CLSTN2: variants seen among roughly 807,000 people sequenced by gnomAD.
CLSTN2 encodes the protein calsyntenin 2.
Under a neutral mutation model 101.2 loss-of-function variants are expected in CLSTN2, and 48 were observed. The ratio of observed to expected loss-of-function variants is 0.47; its 90% CI spans 0.38 to 0.60. The LOEUF is 0.60. Among genes scored for constraint, CLSTN2 ranks in the 20% least tolerant of loss-of-function variants. The probability of loss-of-function intolerance (pLI) is 0.00; values close to 1 mark genes in which losing one functional copy is unlikely to be tolerated. For synonymous variants in CLSTN2, 481 were observed against 463.6 expected (o/e 1.04, Z -0.48); for missense variants, 1,160 against 1,238.2 (o/e 0.94, Z 0.95).
chr3:140,218,495 C>T (rs778009211), intron 2 of CLSTN2, among the ~76,000 whole-genome samples: 1 of 152,168 alleles, frequency 6.6e-6, no homozygotes. Context: ...TTAGAAGCAG[C>T]ACCCAGTCAA....
At chr3:140,483,512 C>T (rs145844704) in intron 8 of CLSTN2, among the ~76,000 whole-genome samples, 8,615 of 152,146 alleles carry the variant, frequency 0.057, 795 homozygotes, top group African/African-American at 0.2. Context: ...AACTTTCTGT[C>T]GCATTGATCT....
chr3:140,553,917 G>C (rs6439932), intron 10 of CLSTN2, among the ~76,000 whole-genome samples: 5,714 of 152,148 alleles, frequency 0.038, 360 homozygotes, highest in African/African-American at 0.13. Context: ...AAAGACAAGT[G>C]AAAGAAAAAA....
chr3:140,345,303 C>T (rs1306141067), intron 2 of CLSTN2, among the ~76,000 whole-genome samples: 3 of 147,928 alleles, frequency 2.0e-5, no homozygotes, highest in African/African-American at 7.5e-5. Flanking sequence ...GGCTGCAGTG[C>T]AATGGCGTGA....
chr3:140,009,166 T>A (rs1351722053), intron 1 of CLSTN2, among the ~76,000 whole-genome samples: 1 of 152,240 alleles, frequency 6.6e-6, no homozygotes, highest in Non-Finnish European at 1.5e-5. Flanking sequence ...TCCTTAATGT[T>A]CATAGGAGGA....
intron 1 of CLSTN2, among the ~76,000 whole-genome samples, chr3:140,135,117 C>CACATATATAT (rs1488268767): frequency 2.8e-4 from 16 of 58,104 alleles, no homozygotes; most frequent in African/African-American, 1.2e-3. Context: ...CACACACACA[C>CACATATATAT]ATATATATAT....
chr3:140,274,141 G>A (rs965448954), intron 2 of CLSTN2, among the ~76,000 whole-genome samples: 23 of 152,306 alleles, frequency 1.5e-4, no homozygotes, highest in African/African-American at 5.5e-4. Flanking sequence ...CACAGGGCTT[G>A]GTGCCTTTTG....
At chr3:140,157,255 A>C (rs2009970222) in intron 1 of CLSTN2, among the ~76,000 whole-genome samples, 1 of 151,990 alleles carries the variant, frequency 6.6e-6, no homozygotes, top group Admixed American at 6.5e-5. Context: ...TCTCCAAAGA[A>C]TTGGTTAGGG....
rs546590143 is a variant in CLSTN2, at chr3:139,935,927, A to T, written c.109+444A>T. 1.4e-4 allele frequency among the ~76,000 whole-genome samples: 21 copies of T among 151,980 alleles called. No homozygotes were observed. Among genetic ancestry groups the T allele is most frequent in the African/African-American group, 5.1e-4 (21 of 41,476 alleles). On this transcript the variant is annotated intron_variant, in intron 1 of 16. Coordinates refer to ENST00000458420, the MANE Select transcript of CLSTN2 (RefSeq NM_022131.3). This position sits in a 1 kb window ranked among gnomAD's most constrained non-coding sequence, Gnocchi z 5.5. ...CTGTGACTTGTCTCCCAGCTCGGGG[A>T]TGGAGTGGAAACTTGTAGGCTCCAG...
intron 1 of CLSTN2, among the ~76,000 whole-genome samples, chr3:139,974,433 G>A (rs1935774873): frequency 6.6e-6 from 1 of 152,170 alleles, no homozygotes; most frequent in Admixed American, 6.5e-5. Flanking sequence ...CTCCAGGGGA[G>A]TGATATACCA....
chr3:140,110,363 C>A (rs973651985), intron 1 of CLSTN2, among the ~76,000 whole-genome samples: 2 of 152,212 alleles, frequency 1.3e-5, no homozygotes, highest in Admixed American at 6.5e-5. Context: ...ACCTCAGAGC[C>A]TATTTTCACA....
intron 2 of CLSTN2, among the ~76,000 whole-genome samples, chr3:140,188,773 T>C (rs1017744917): frequency 1.3e-5 from 2 of 152,166 alleles, no homozygotes; most frequent in African/African-American, 4.8e-5. Flanking sequence ...TACAGAGAGA[T>C]TATGTGTATA....
intron 1 of CLSTN2, among the ~76,000 whole-genome samples, chr3:140,123,994 T>C (rs1329726968): frequency 6.6e-6 from 1 of 151,864 alleles, no homozygotes; most frequent in African/African-American, 2.4e-5. Context: ...GGCTTCAACA[T>C]AGAAATTTGG....
intron 2 of CLSTN2, among the ~76,000 whole-genome samples, chr3:140,205,260 A>C (rs1482647750): frequency 6.6e-6 from 1 of 152,204 alleles, no homozygotes. Context: ...CGTGTGGTTC[A>C]ACTGAATTCA....
At chr3:140,141,735 G>A (rs1449802057) in intron 1 of CLSTN2, among the ~76,000 whole-genome samples, 2 of 152,152 alleles carry the variant, frequency 1.3e-5, no homozygotes, top group Non-Finnish European at 2.9e-5. Flanking sequence ...GCACATGCAC[G>A]CCACATAGCA....
intron 8 of CLSTN2, among the ~76,000 whole-genome samples, chr3:140,490,529 G>A (rs560701828): frequency 7.8e-4 from 118 of 150,428 alleles, no homozygotes; most frequent in Non-Finnish European, 1.4e-3. Flanking sequence ...GTGACACATC[G>A]GGCTGCAGTG....
intron 1 of CLSTN2, among the ~76,000 whole-genome samples, chr3:140,158,059 A>G (rs2009984284): frequency 6.6e-6 from 1 of 152,148 alleles, no homozygotes; most frequent in Non-Finnish European, 1.5e-5. Context: ...AACACCTCAA[A>G]ACAATAAGGG....
intron 2 of CLSTN2, among the ~76,000 whole-genome samples, chr3:140,261,079 T>G (rs573176657): frequency 6.6e-6 from 1 of 152,198 alleles, no homozygotes; most frequent in East Asian, 1.9e-4. Flanking sequence ...CTCCTCGCTA[T>G]AAAGTTACTC....
chr3:140,191,413 A>G (rs975669083), intron 2 of CLSTN2, among the ~76,000 whole-genome samples: 1 of 152,010 alleles, frequency 6.6e-6, no homozygotes, highest in Non-Finnish European at 1.5e-5. Context: ...GAGTAATACT[A>G]CTTCATAAAG....
chr3:140,409,417 C>T (rs1055887168), intron 4 of CLSTN2, among the ~76,000 whole-genome samples: 1 of 152,106 alleles, frequency 6.6e-6, no homozygotes, highest in Non-Finnish European at 1.5e-5. Context: ...TGTTACAGAC[C>T]CCAGCTACCT....
Sources: gnomAD v4.1 joint callset for allele counts (sites outside exome capture counted in the v4.1 genomes callset) on GRCh38, gnomAD v4.1.1 for gene constraint, Gnocchi (gnomAD v3.1) non-coding constraint, MANE v1.5 for transcripts, NCBI Gene and HGNC (gene_info 2026-07-23, HGNC 2026-07-21) for gene names.